Variants in FAM53A observed in about 807,000 individuals in gnomAD.
The protein encoded by FAM53A is family with sequence similarity 53 member A, also known as protein FAM53A.
FAM53A carries 28 observed loss-of-function variants against 26.6 expected under a neutral mutation model. The ratio of observed to expected loss-of-function variants is 1.05; its 90% CI spans 0.78 to 1.45. FAM53A has a LOEUF of 1.45. FAM53A is among the 40% of genes most tolerant of loss of function. The pLI, the probability that FAM53A is intolerant of heterozygous loss-of-function variation, is 0.00. For missense variants in FAM53A, 650 were observed against 575.8 expected (o/e 1.13, Z -1.32); for synonymous variants, 290 against 253.1 (o/e 1.15, Z -1.38).
At chr4:1,623,738 G>A (rs568595355) in intron 1 of FAM53A, among the ~76,000 whole-genome samples, 82 of 152,384 alleles carry the variant, frequency 5.4e-4, no homozygotes, top group Non-Finnish European at 1.1e-3. Context: ...GCCGCGGATC[G>A]GACGTTACCA....
upstream of FAM53A, among the ~76,000 whole-genome samples, chr4:1,685,111 T>A (rs577294754): frequency 6.6e-6 from 1 of 152,246 alleles, no homozygotes; most frequent in East Asian, 1.9e-4. Flanking sequence ...ATGAGCCGCC[T>A]GACCCAGGGC....
intron 1 of FAM53A, among the ~76,000 whole-genome samples, chr4:1,675,585 C>T (rs1577155178): frequency 6.6e-6 from 1 of 152,180 alleles, no homozygotes; most frequent in Admixed American, 6.5e-5. Flanking sequence ...AGCCGACAAC[C>T]CCAGGAGGTT....
intron 4 of FAM53A, among the ~76,000 whole-genome samples, chr4:1,654,191 CT>C (rs1560163513): frequency 6.6e-6 from 1 of 152,232 alleles, no homozygotes; most frequent in East Asian, 1.9e-4. Flanking sequence ...CTGCCCAAAG[CT>C]TCCCCGACAC....
At chr4:1,604,276 C>G in the FAM53A span, among the ~76,000 whole-genome samples, 3 of 152,216 alleles carry the variant, frequency 2.0e-5, 1 homozygote, top group South Asian at 6.2e-4. Flanking sequence ...AGTCAGACCC[C>G]ACGTGTGCAG....
intron 3 of FAM53A, 96 bp from the exon 4 acceptor site, chr4:1,655,819 G>C (rs1483114543): frequency 1.5e-6 from 2 of 1,376,706 alleles, no homozygotes; most frequent in South Asian, 1.5e-5. Context: ...AGCTGTCAAG[G>C]GCACAACCCC....
At chr4:1,605,460 C>T in the FAM53A span, among the ~76,000 whole-genome samples, 3 of 152,166 alleles carry the variant, frequency 2.0e-5, no homozygotes, top group African/African-American at 4.8e-5. The surrounding 1 kb of genome is among the most constrained non-coding windows in gnomAD (Gnocchi z 5.7). Context: ...AGGGGCTGGG[C>T]GTGGAGCCTG....
chr4:1,684,902 T>C (rs1715716381), upstream of FAM53A, among the ~76,000 whole-genome samples: 1 of 152,126 alleles, frequency 6.6e-6, no homozygotes, highest in South Asian at 2.1e-4. Context: ...TGGGGCCTGG[T>C]TCCGTCCGAG....
chr4:1,607,840 T>A, the FAM53A span, among the ~76,000 whole-genome samples: 1 of 151,836 alleles, frequency 6.6e-6, no homozygotes, highest in Non-Finnish European at 1.5e-5. Flanking sequence ...CTCGGGAGGC[T>A]GAGGCATGAG....
chr4:1,653,515 C>T (rs757052522), intron 4 of FAM53A, among the ~76,000 whole-genome samples: 2 of 152,228 alleles, frequency 1.3e-5, no homozygotes, highest in Non-Finnish European at 2.9e-5. Context: ...CTGACACCCA[C>T]GCCATGCACA....
chr4:1,601,149 G>A, the FAM53A span, among the ~76,000 whole-genome samples: 1 of 152,256 alleles, frequency 6.6e-6, no homozygotes, highest in Non-Finnish European at 1.5e-5. Flanking sequence ...GACCCTGTCC[G>A]CTGAGTCAGG....
the FAM53A span, among the ~76,000 whole-genome samples, chr4:1,579,634 C>T: frequency 6.6e-6 from 1 of 152,224 alleles, no homozygotes. Context: ...GTGGGGCTGC[C>T]TCCCAGCGCC....
intron 4 of FAM53A, among the ~76,000 whole-genome samples, chr4:1,650,186 TTGAC>T (rs1421247402): frequency 8.3e-5 from 10 of 120,740 alleles, no homozygotes; most frequent in Admixed American, 1.7e-4. Flanking sequence ...GGCGTGGCGT[TTGAC>T]TGTGAGGTGG....
At position 1,668,749 on chromosome 4, in the gene FAM53A, G is replaced by T; in HGVS notation, c.-8C>A. 6.2e-7 allele frequency: 1 copy of T among 1,614,120 alleles called. No homozygotes were observed. Among genetic ancestry groups the T allele is most frequent in the Non-Finnish European group, 8.5e-7 (1 of 1,179,998 alleles). ...AGTGATGAGTGTGACCATGGTCGGG[G>T]CCCCGTGTCCTCCGTCCACACCAAC... On this transcript the variant is annotated 5_prime_UTR_variant, in exon 2 of 5. Transcript: ENST00000308132.
the FAM53A span, among the ~76,000 whole-genome samples, chr4:1,605,894 G>C: frequency 6.6e-6 from 1 of 152,244 alleles, no homozygotes; most frequent in South Asian, 2.1e-4. This position sits in a 1 kb window ranked among gnomAD's most constrained non-coding sequence, Gnocchi z 5.7. Context: ...TGGAGTTCAG[G>C]GGGACCCTCG....
intron 4 of FAM53A, among the ~76,000 whole-genome samples, chr4:1,647,164 CT>C (rs369297224): frequency 0.079 from 11,919 of 151,744 alleles, 507 homozygotes; most frequent in Middle Eastern, 0.17. Flanking sequence ...GTGAAACCCC[CT>C]CTCTACTAAA....
At chr4:1,596,893 CAG>C in the FAM53A span, among the ~76,000 whole-genome samples, 1 of 152,056 alleles carries the variant, frequency 6.6e-6, no homozygotes, top group African/African-American at 2.4e-5. Flanking sequence ...GAGAGAGAGA[CAG>C]AGGGAGAAAC....
downstream of FAM53A, among the ~76,000 whole-genome samples, chr4:1,636,884 T>TGG (rs56041921): frequency 0.19 from 29,192 of 150,506 alleles, 3,210 homozygotes; most frequent in Middle Eastern, 0.28. Flanking sequence ...CTGCTCTTGC[T>TGG]GGGGGGGGGT....
At chr4:1,608,344 G>A in the FAM53A span, among the ~76,000 whole-genome samples, 2 of 152,114 alleles carry the variant, frequency 1.3e-5, no homozygotes, top group Non-Finnish European at 2.9e-5. Flanking sequence ...AGAGAGCCCC[G>A]TCCTGGGTGC....
intron 4 of FAM53A, among the ~76,000 whole-genome samples, 197 bp from the exon 5 acceptor site, chr4:1,641,804 G>C (rs1466478279): frequency 7.2e-5 from 11 of 151,996 alleles, no homozygotes; most frequent in Non-Finnish European, 1.5e-4. Context: ...GCCCGCCCCA[G>C]CCCAACCAGC....
Sources: allele counts gnomAD v4.1 joint callset (sites outside exome capture counted in the v4.1 genomes callset), GRCh38; gene constraint gnomAD v4.1.1; non-coding constraint Gnocchi (gnomAD v3.1); transcripts MANE v1.5; gene names NCBI Gene and HGNC (gene_info 2026-07-23, HGNC 2026-07-21).